Variants in CTNNA2 observed in about 807,000 individuals in gnomAD.
The protein encoded by CTNNA2 is catenin alpha 2.
Under a neutral mutation model 101.0 loss-of-function variants are expected in CTNNA2, and 42 were observed. That is an observed-to-expected ratio of 0.42 (90% CI 0.32 to 0.54). The LOEUF is 0.54. Ranked by LOEUF, CTNNA2 falls within the 20% of genes least tolerant of loss-of-function variation. The probability of loss-of-function intolerance (pLI) is 0.14; values close to 1 mark genes in which losing one functional copy is unlikely to be tolerated. For missense variants in CTNNA2, 871 were observed against 1,223.1 expected, an observed-to-expected ratio of 0.71 and a Z score of 4.29; for synonymous variants, 450 against 456.4, an observed-to-expected ratio of 0.99 and a Z score of 0.18.
intron 7 of CTNNA2, among the ~76,000 whole-genome samples, chr2:80,283,954 A>G (rs1674569295): frequency 6.6e-6 from 1 of 152,186 alleles, no homozygotes; most frequent in Non-Finnish European, 1.5e-5. Flanking sequence ...AATTCTAGGC[A>G]TCATGCCAAG....
intron 7 of CTNNA2, among the ~76,000 whole-genome samples, chr2:80,277,198 AG>A (rs943194323): frequency 1.3e-5 from 2 of 152,124 alleles, no homozygotes; most frequent in African/African-American, 4.8e-5. Flanking sequence ...GGGGGTGAAA[AG>A]CTTTTCTGTA....
intron 3 of CTNNA2, among the ~76,000 whole-genome samples, chr2:79,797,504 TA>T (rs553063861): frequency 2.5e-3 from 373 of 151,492 alleles, no homozygotes; most frequent in Non-Finnish European, 4.2e-3. Flanking sequence ...ACTAAAAATA[TA>T]AAAAAATAGT....
chr2:80,134,981 T>G (rs977451277), intron 7 of CTNNA2, among the ~76,000 whole-genome samples: 1 of 152,218 alleles, frequency 6.6e-6, no homozygotes, highest in Admixed American at 6.5e-5. Flanking sequence ...AATATTATTT[T>G]TTTTAGATAG....
intron 2 of CTNNA2, among the ~76,000 whole-genome samples, chr2:79,199,896 A>T (rs1004139225): frequency 6.6e-6 from 1 of 152,224 alleles, no homozygotes; most frequent in Non-Finnish European, 1.5e-5. Flanking sequence ...GTGATGTACC[A>T]TAACGGAAAT....
chr2:80,103,934 A>G (rs1459474092), intron 7 of CTNNA2, among the ~76,000 whole-genome samples: 1 of 152,162 alleles, frequency 6.6e-6, no homozygotes, highest in East Asian at 1.9e-4. Context: ...GGGTTTCGCC[A>G]TGTTGGCCAG....
At chr2:80,077,487 A>G (rs1204189516) in intron 7 of CTNNA2, among the ~76,000 whole-genome samples, 1 of 151,782 alleles carries the variant, frequency 6.6e-6, no homozygotes, top group African/African-American at 2.4e-5. Flanking sequence ...GGTGTCCCAC[A>G]CCTTTAATCC....
intron 7 of CTNNA2, among the ~76,000 whole-genome samples, chr2:80,113,833 A>G (rs1041946616): frequency 1.3e-5 from 2 of 152,252 alleles, no homozygotes; most frequent in Admixed American, 1.3e-4. Flanking sequence ...TGATAAAAAC[A>G]TTCATGGGAT....
At chr2:80,573,913 G>T (rs1285023827) in intron 12 of CTNNA2, among the ~76,000 whole-genome samples, 1 of 152,112 alleles carries the variant, frequency 6.6e-6, no homozygotes, top group Non-Finnish European at 1.5e-5. Flanking sequence ...CTGTGGGCAG[G>T]TTTTAAAAAC....
intron 2 of CTNNA2, among the ~76,000 whole-genome samples, chr2:79,236,544 C>A (rs762325744): frequency 6.6e-6 from 1 of 152,176 alleles, no homozygotes; most frequent in Non-Finnish European, 1.5e-5. Flanking sequence ...ATATTTGATT[C>A]TTTCTTCTAC....
chr2:80,496,204 T>C (rs1478453649), intron 9 of CTNNA2, among the ~76,000 whole-genome samples: 1 of 152,066 alleles, frequency 6.6e-6, no homozygotes, highest in African/African-American at 2.4e-5. Flanking sequence ...TTCTGTTGTT[T>C]TAAGCCACCT....
At chr2:79,189,207 A>G (rs186718329) in intron 1 of CTNNA2, among the ~76,000 whole-genome samples, 2 of 152,308 alleles carry the variant, frequency 1.3e-5, no homozygotes, top group Non-Finnish European at 2.9e-5. Flanking sequence ...AGAATAACTC[A>G]GTATTTAATA....
chr2:79,442,481 C>A (rs977466171), intron 4 of CTNNA2, among the ~76,000 whole-genome samples: 1 of 152,124 alleles, frequency 6.6e-6, no homozygotes, highest in Admixed American at 6.6e-5. Flanking sequence ...CATGAAGATA[C>A]GTGTTCTGTT....
chr2:80,398,216 G>C (rs753226974), intron 8 of CTNNA2, among the ~76,000 whole-genome samples: 6 of 152,170 alleles, frequency 3.9e-5, no homozygotes, highest in African/African-American at 1.4e-4. Flanking sequence ...ATGTTAAGGC[G>C]TTCTATTGTT....
At position 79,471,670 on chromosome 2, in the gene CTNNA2, C is replaced by CT. The variant is rs372273213; in HGVS notation, c.-134-33383dup. On this transcript the variant is annotated intron_variant, in intron 4 of 21. Coordinates refer to the CTNNA2 transcript ENST00000466387. Reference sequence around the variant, plus strand: ...TGGCTAACACGGTGAAACCCTGTCTCTACTAAAAATACAAAAAATTAGCTG... The same window carrying CT: ...TGGCTAACACGGTGAAACCCTGTCTCTTACTAAAAATACAAAAAATTAGCTG... Among the ~76,000 whole-genome samples the CT allele has an allele frequency of 3.9e-3, 589 of 152,094 alleles. 4 individuals carry two copies. The highest frequency in any genetic ancestry group is 0.013 in the African/African-American group (542 of 41,470).
At chr2:80,060,725 G>A (rs1697542759) in intron 7 of CTNNA2, among the ~76,000 whole-genome samples, 1 of 151,942 alleles carries the variant, frequency 6.6e-6, no homozygotes, top group Non-Finnish European at 1.5e-5. Context: ...CACCCTAAAT[G>A]TCCAACAAGA....
intron 1 of CTNNA2, among the ~76,000 whole-genome samples, chr2:79,600,154 T>G (rs1240154439): frequency 6.6e-6 from 1 of 151,826 alleles, no homozygotes; most frequent in Non-Finnish European, 1.5e-5. Context: ...CACCGAGAGA[T>G]AGTGAGCTCC....
intron 3 of CTNNA2, among the ~76,000 whole-genome samples, chr2:79,765,310 A>G (rs1470475173): frequency 6.6e-6 from 1 of 152,190 alleles, no homozygotes; most frequent in African/African-American, 2.4e-5. Context: ...TTACATTTCT[A>G]GAGACACAAG....
chr2:80,290,118 C>T (rs1032198036), intron 7 of CTNNA2, among the ~76,000 whole-genome samples: 1 of 152,082 alleles, frequency 6.6e-6, no homozygotes, highest in Non-Finnish European at 1.5e-5. Flanking sequence ...GCAGGCTGAG[C>T]AAGGATTGTT....
At chr2:80,568,311 G>A (rs1694244184) in intron 12 of CTNNA2, among the ~76,000 whole-genome samples, 1 of 152,156 alleles carries the variant, frequency 6.6e-6, no homozygotes, top group Admixed American at 6.5e-5. Context: ...TACTCACTTT[G>A]TCCGTGAAAT....
Sources: allele counts gnomAD v4.1 joint callset (sites outside exome capture counted in the v4.1 genomes callset), GRCh38; gene constraint gnomAD v4.1.1; transcripts MANE v1.5; gene names NCBI Gene and HGNC (gene_info 2026-07-23, HGNC 2026-07-21).